The following CXCL13 variants were observed in gnomAD, a reference collection of about 807,000 sequenced individuals.
CXCL13 encodes C-X-C motif chemokine 13.
A neutral mutation model predicts 12.2 loss-of-function variants in CXCL13; 7 were observed. The observed-to-expected ratio is 0.57, with a 90% CI of 0.33 to 1.07. The LOEUF is 1.07. Among genes scored for constraint, CXCL13 ranks in the 50% least tolerant of loss-of-function variants. The pLI is 0.04. For synonymous variants in CXCL13, 47 were observed against 42.4 expected (o/e 1.11, Z -0.42); for missense variants, 113 against 127.4 (o/e 0.89, Z 0.55).
At chr4:77,583,028 T>A (rs2109825849) in intron 1 of CXCL13, among the ~76,000 whole-genome samples, 1 of 152,304 alleles carries the variant, frequency 6.6e-6, no homozygotes. Context: ...GGTTGAAGCT[T>A]TTAATGTAAG....
At chr4:77,600,154 T>C (rs776349863) in intron 1 of CXCL13, among the ~76,000 whole-genome samples, 8 of 151,942 alleles carry the variant, frequency 5.3e-5, no homozygotes, top group Non-Finnish European at 1.2e-4. Context: ...GAGGCCTCTA[T>C]GAAGAAATGA....
chr4:77,528,483 G>C (rs1290097065), intron 1 of CXCL13, among the ~76,000 whole-genome samples: 12 of 152,304 alleles, frequency 7.9e-5, no homozygotes, highest in African/African-American at 2.9e-4. Context: ...AGTGGTGTGA[G>C]ATGGTATCTC....
At chr4:77,571,701 G>A (rs554673297) in intron 1 of CXCL13, among the ~76,000 whole-genome samples, 22 of 151,960 alleles carry the variant, frequency 1.4e-4, no homozygotes, top group Admixed American at 1.4e-3. Flanking sequence ...GGCCAGATAA[G>A]AGAATAAAAG....
intron 1 of CXCL13, among the ~76,000 whole-genome samples, chr4:77,592,887 C>T (rs905920282): frequency 1.3e-5 from 2 of 152,180 alleles, no homozygotes; most frequent in African/African-American, 4.8e-5. Context: ...AAGATTTACA[C>T]AAGATTTCTC....
At chr4:77,549,083 A>G (rs191969005) in intron 1 of CXCL13, among the ~76,000 whole-genome samples, 2 of 152,022 alleles carry the variant, frequency 1.3e-5, no homozygotes, top group African/African-American at 4.8e-5. Flanking sequence ...CATTTCATAC[A>G]TTTGATCTTC....
At chr4:77,581,125 C>A (rs1050694547) in intron 1 of CXCL13, among the ~76,000 whole-genome samples, 2 of 151,990 alleles carry the variant, frequency 1.3e-5, no homozygotes, top group Non-Finnish European at 2.9e-5. Context: ...AGCTAAAGAA[C>A]CCCCAGGTTT....
intron 1 of CXCL13, among the ~76,000 whole-genome samples, chr4:77,523,547 G>A (rs553501323): frequency 2.0e-5 from 3 of 152,248 alleles, no homozygotes; most frequent in Admixed American, 2.0e-4. Flanking sequence ...TCGTGCCATG[G>A]TTTTCAGCTC....
intron 1 of CXCL13, among the ~76,000 whole-genome samples, chr4:77,572,569 T>C (rs768928118): frequency 2.6e-5 from 4 of 151,562 alleles, no homozygotes; most frequent in Non-Finnish European, 5.9e-5. Flanking sequence ...ATGGCTATTA[T>C]TAAGAAGTCA....
chr4:77,588,650 G>A (rs2584819), intron 1 of CXCL13, among the ~76,000 whole-genome samples: 13,510 of 152,132 alleles, frequency 0.089, 1,666 homozygotes, highest in African/African-American at 0.27. Context: ...CTGTCTTTTG[G>A]ATACTCAGTT....
At chr4:77,554,623 C>T (rs1725616829) in intron 1 of CXCL13, among the ~76,000 whole-genome samples, 1 of 152,098 alleles carries the variant, frequency 6.6e-6, no homozygotes, top group African/African-American at 2.4e-5. Flanking sequence ...TTCTAGGATG[C>T]TCCATGGAAC....
intron 1 of CXCL13, among the ~76,000 whole-genome samples, chr4:77,578,495 G>A (rs1726245158): frequency 6.6e-6 from 1 of 152,142 alleles, no homozygotes; most frequent in Admixed American, 6.5e-5. Context: ...AAGGGTCCCT[G>A]GAGAATCTCT....
Position 77,536,297 on chromosome 4 carries a change from A to G in CXCL13, c.-43+24509A>G, listed in dbSNP as rs558501520. Among the ~76,000 whole-genome samples the G allele has an allele frequency of 4.6e-5, 7 of 152,340 alleles. No homozygotes were observed. In the East Asian group the frequency reaches 1.3e-3, roughly 29 times the overall value. ...GATCATTATGGAATAAATAATAAAT[A>G]CCAATCATTTAATCATCCTTTTCAG... On this transcript the variant is annotated intron_variant, in intron 1 of 4. Transcript: ENST00000286758.
chr4:77,587,747 A>G (rs355691), intron 1 of CXCL13, among the ~76,000 whole-genome samples: 13,565 of 152,264 alleles, frequency 0.089, 1,674 homozygotes, highest in African/African-American at 0.27. Context: ...TTCAAGTCGA[A>G]GTCAGTCTGT....
chr4:77,566,221 G>A (rs1363689759), intron 1 of CXCL13, among the ~76,000 whole-genome samples: 5 of 152,160 alleles, frequency 3.3e-5, no homozygotes, highest in Middle Eastern at 3.2e-3. Context: ...GGCCTTATGG[G>A]ATAAACTAAA....
At chr4:77,561,932 G>A (rs1467697572) in intron 1 of CXCL13, among the ~76,000 whole-genome samples, 1 of 152,192 alleles carries the variant, frequency 6.6e-6, no homozygotes, top group Non-Finnish European at 1.5e-5. Flanking sequence ...GTGCTTGTGG[G>A]CCAGCACAAG....
chr4:77,576,718 G>A (rs1726207158), intron 1 of CXCL13, among the ~76,000 whole-genome samples: 1 of 152,108 alleles, frequency 6.6e-6, no homozygotes, highest in South Asian at 2.1e-4. Context: ...GAGATTCCTT[G>A]TGAAACAGAG....
chr4:77,600,326 A>G (rs994074557), intron 1 of CXCL13, among the ~76,000 whole-genome samples: 6 of 152,282 alleles, frequency 3.9e-5, no homozygotes, highest in Middle Eastern at 3.4e-3. Context: ...TATGACACTG[A>G]GAAGATTACT....
intron 1 of CXCL13, among the ~76,000 whole-genome samples, chr4:77,538,423 CTTTTTT>C (rs80263344): frequency 8.1e-6 from 1 of 124,194 alleles, no homozygotes; most frequent in African/African-American, 3.0e-5. Flanking sequence ...AATGTCTTGT[CTTTTTT>C]TTTTTTTTTT....
chr4:77,547,835 C>A (rs553985650), intron 1 of CXCL13, among the ~76,000 whole-genome samples: 2 of 152,262 alleles, frequency 1.3e-5, no homozygotes, highest in Non-Finnish European at 2.9e-5. Context: ...CATTGATGGT[C>A]TTTACAATTT....
Sources: gnomAD v4.1 joint callset for allele counts (sites outside exome capture counted in the v4.1 genomes callset) on GRCh38, gnomAD v4.1.1 for gene constraint, MANE v1.5 for transcripts, NCBI Gene and HGNC (gene_info 2026-07-23, HGNC 2026-07-21) for gene names.